LRPAP1: variants seen among roughly 807,000 people sequenced by gnomAD.
LRPAP1 encodes LDL receptor related protein associated protein 1, also known as alpha-2-macroglobulin receptor-associated protein.
A neutral mutation model predicts 39.9 loss-of-function variants in LRPAP1; 41 were observed. The observed-to-expected ratio is 1.03, with a 90% confidence interval of 0.80 to 1.33. LRPAP1 has a LOEUF of 1.33. Among genes scored for constraint, LRPAP1 ranks in the 40% most tolerant of loss-of-function variants. LRPAP1 has a pLI of 0.00. For missense variants in LRPAP1, 565 were observed against 482.3 expected (o/e 1.17, Z -1.61); for synonymous variants, 263 against 212.7 (o/e 1.24, Z -2.06).
At chr4:3,522,557 CAGACGCCACCCCACACTCCCTGCCT>C in intron 2 of LRPAP1, among the ~76,000 whole-genome samples, 1 of 66,420 alleles carries the variant, frequency 1.5e-5, no homozygotes, top group Non-Finnish European at 3.3e-5. Context: ...CCGGGGAGGA[CAGACGCCACCCCACACTCCCTGCCT>C]GGGGAAGTCG....
At position 3,504,903 on chromosome 4, in the gene LRPAP1, C is replaced by T. The variant is rs906324934; in HGVS notation, c.*8071G>A. Among the ~76,000 whole-genome samples the T allele has an allele frequency of 9.9e-5, 15 of 152,056 alleles. No homozygotes were observed. The highest frequency in any genetic ancestry group is 3.1e-4 in the African/African-American group (13 of 41,386). On this transcript the variant is annotated 3_prime_UTR_variant, in exon 8 of 8. Coordinates refer to ENST00000650182, the MANE Select transcript of LRPAP1 (RefSeq NM_002337.4). ...CAGAGGTTGCAGTGAGCCGAGATCGCACCAACGCACTCCAGCCTGGGCGAC... is the reference window on the plus strand; with the variant it reads ...CAGAGGTTGCAGTGAGCCGAGATCGTACCAACGCACTCCAGCCTGGGCGAC...
Position 3,518,875 on chromosome 4 carries a change from G to C in LRPAP1, c.588C>G (p.Thr196=). The change falls in exon 4 of 8, where the codon ACC becomes ACG. Residue 196 remains threonine (T), a synonymous_variant. Transcript: ENST00000650182. ...GGGGGTGGGGGCGGGGGGCACCTTC[G>C]GTCCTGCTCAGGGTCTCCAGCAGGA... The part of the protein sequence containing the change: ...YNVLLETLSR[T]EEIHENVISP... The C allele has an allele frequency of 1.3e-6, 2 of 1,597,198 alleles. No homozygotes were observed. Among genetic ancestry groups the C allele is most frequent in the Non-Finnish European group, 1.7e-6 (2 of 1,172,700 alleles).
rs1320553886 is a variant in LRPAP1, at chr4:3,504,222, C to T, written c.*8752G>A. 6.6e-6 allele frequency: 1 copy of T among 152,286 alleles called. No individual in the cohort carries two copies. Among genetic ancestry groups the T allele is most frequent in the Non-Finnish European group, 1.5e-5 (1 of 68,066 alleles). The allele number at this position is 152,286 out of a possible 1,614,324, so 9.4% of individuals were successfully genotyped here. A position where few individuals can be genotyped will look rare whatever the true frequency, so the allele number is the denominator to read the frequency against. ...ATGACTTGTGTGGGTCAGAAAGCCT[C>T]AGCCCCAAACCCGGTCTCAGAGGCT... On this transcript the variant is annotated 3_prime_UTR_variant, in exon 8 of 8. Coordinates refer to ENST00000650182, the MANE Select transcript of LRPAP1 (RefSeq NM_002337.4).
In LRPAP1 at chr4:3,514,865, T is replaced by C. The variant is rs1197823199; in HGVS notation, c.898A>G (p.Ile300Val). 1 of 1,613,880 alleles carries C rather than the reference T, an allele frequency of 6.2e-7. No individual in the cohort carries two copies. The highest frequency in any genetic ancestry group is 1.7e-5 in the Admixed American group (1 of 60,026). ...KHNHYQKQLE[I>V]AHEKLRHAES... ...GCGTGCCTCAGCTTCTCGTGCGCAA[T>C]CTCCAGCTGCTTCTGGTAGTGGTTG... The change falls in exon 7 of 8, where the codon ATT becomes GTT. Residue 300 changes from isoleucine (I) to valine (V), a missense_variant. By Grantham distance (29) the Ile-to-Val change is conservative. Transcript: ENST00000650182.
rs927136971 is a variant in LRPAP1, at chr4:3,505,683, C to T, written c.*7291G>A. ...TCTATACCAGCTACCCCAAGACCGT[C>T]TATACCAGCTACCCCAAGACCGTCT... On this transcript the variant is annotated 3_prime_UTR_variant, in exon 8 of 8. Coordinates refer to ENST00000650182, the MANE Select transcript of LRPAP1 (RefSeq NM_002337.4). Among the ~76,000 whole-genome samples the T allele has an allele frequency of 6.6e-6, 1 of 152,260 alleles. No homozygotes were observed. Among genetic ancestry groups the T allele is most frequent in the Non-Finnish European group, 1.5e-5 (1 of 68,048 alleles).
At chr4:3,522,529 T>C (rs116022064) in intron 2 of LRPAP1, among the ~76,000 whole-genome samples, 231 of 15,796 alleles carry the variant, frequency 0.015, 8 homozygotes, top group African/African-American at 0.031. Flanking sequence ...AGGACGGACG[T>C]CATCCCACAC....
intron 1 of LRPAP1, among the ~76,000 whole-genome samples, chr4:3,529,421 G>T (rs1444838079): frequency 5.3e-5 from 8 of 152,214 alleles, no homozygotes; most frequent in African/African-American, 1.9e-4. Context: ...AGGTACACGA[G>T]TGTGTCCCTG....
chr4:3,517,504 G>A (rs1423534242), intron 5 of LRPAP1, among the ~76,000 whole-genome samples: 2 of 152,234 alleles, frequency 1.3e-5, no homozygotes, highest in South Asian at 2.1e-4. Context: ...GGTACACCCT[G>A]CACAAGGCTC....
intron 6 of LRPAP1, among the ~76,000 whole-genome samples, chr4:3,515,696 C>T (rs545843635): frequency 6.6e-6 from 1 of 152,316 alleles, no homozygotes; most frequent in East Asian, 1.9e-4. Context: ...GCACTCCACA[C>T]GCCCCAGGAG....
At position 3,518,062 on chromosome 4, in the gene LRPAP1, G is replaced by C; in HGVS notation, c.723C>G (p.Val241=). The C allele has an allele frequency of 6.2e-7, 1 of 1,611,632 alleles. No individual in the cohort carries two copies. The highest frequency in any genetic ancestry group is 8.5e-7 in the Non-Finnish European group (1 of 1,179,642). ...INQGLDRLRR[V]SHQGYSTEAE... The stretch of plus-strand genomic sequence containing the variant: ...CCTCAGTGCTGTAGCCCTGGTGGCT[G>C]ACCCTGCGCAGGCGGTCCAGGCCCT... The change falls in exon 5 of 8, where the codon GTC becomes GTG. Residue 241 remains valine (V), a synonymous_variant. Coordinates refer to ENST00000650182, the MANE Select transcript of LRPAP1 (RefSeq NM_002337.4).
chr4:3,514,756 T>C lies in LRPAP1; in HGVS notation c.1007A>G (p.Tyr336Cys), dbSNP rs1392543804. The change falls in exon 7 of 8, where the codon TAC (tyrosine) becomes TGC (cysteine). Residue 336 changes from tyrosine to cysteine, a missense_variant. Tyr to Cys is a radical substitution (Grantham distance 194). Transcript: ENST00000650182. ...GGTCCTGGAACCCGTGCGCACCGTGTAGCCCAGCTCCTTGGTCCGCCCCTC... is the reference window on the plus strand; with the variant it reads ...GGTCCTGGAACCCGTGCGCACCGTGCAGCCCAGCTCCTTGGTCCGCCCCTC... ...LLEGRTKELG[Y>C]TVKKHLQDLS... 6.2e-7 allele frequency: 1 copy of C among 1,607,324 alleles called. No homozygotes were observed. Among genetic ancestry groups the C allele is most frequent in the Non-Finnish European group, 8.5e-7 (1 of 1,178,388 alleles).
chr4:3,528,940 C>G lies in LRPAP1; in HGVS notation c.204+3269G>C, dbSNP rs76075610. Among the ~76,000 whole-genome samples the G allele has an allele frequency of 8.1e-3, 1,239 of 152,334 alleles. 21 individuals carry two copies. The highest frequency in any genetic ancestry group is 0.028 in the African/African-American group (1,171 of 41,574). On this transcript the variant is annotated intron_variant, in intron 1 of 7. Coordinates refer to ENST00000650182, the MANE Select transcript of LRPAP1 (RefSeq NM_002337.4). ...GGGGTGGGGCTCTGAGGGCTCCTCT[C>G]TGCAGACCTCAGTTTCCACTCGTCA...
chr4:3,523,054 A>C lies in LRPAP1; in HGVS notation c.349+1853T>G, dbSNP rs574338173. ...CTGCTTCTGGGACGCCGGCTCCTAGAGTCCCACTAAGTTTTCTGCCAGGTC... is the reference window on the plus strand; with the variant it reads ...CTGCTTCTGGGACGCCGGCTCCTAGCGTCCCACTAAGTTTTCTGCCAGGTC... On this transcript the variant is annotated intron_variant, in intron 2 of 7. Transcript: ENST00000650182. Among the ~76,000 whole-genome samples the C allele has an allele frequency of 1.7e-3, 257 of 152,270 alleles. 4 individuals are homozygous for C. The highest frequency in any genetic ancestry group is 5.9e-3 in the African/African-American group (245 of 41,544).
At chr4:3,514,294 G>C (rs1269489809) in intron 7 of LRPAP1, among the ~76,000 whole-genome samples, 1 of 152,258 alleles carries the variant, frequency 6.6e-6, no homozygotes, top group Non-Finnish European at 1.5e-5. Flanking sequence ...AAAGAACTTG[G>C]CATGAGCTTC....
Position 3,506,654 on chromosome 4 carries a change from G to A in LRPAP1, c.*6320C>T, listed in dbSNP as rs1390076208. Reference sequence around the variant, plus strand: ...CCCAAAGTGCTGGGATTCCAGGCATGAGCCACCGCACCCGGCCGGCTCGAG... The same window carrying A: ...CCCAAAGTGCTGGGATTCCAGGCATAAGCCACCGCACCCGGCCGGCTCGAG... On this transcript the variant is annotated 3_prime_UTR_variant, in exon 8 of 8. Transcript: ENST00000650182. 3 of 152,210 alleles carry A rather than the reference G, an allele frequency of 2.0e-5. No individual in the cohort carries two copies. The highest frequency in any genetic ancestry group is 7.2e-5 in the African/African-American group (3 of 41,434). 9.4% of individuals were successfully genotyped at this position (152,210 alleles called of 1,614,324 possible).
At chr4:3,529,415 ACACGAGTGTGTCC>A (rs1478283010) in intron 1 of LRPAP1, among the ~76,000 whole-genome samples, 2 of 152,230 alleles carry the variant, frequency 1.3e-5, no homozygotes, top group Non-Finnish European at 2.9e-5. Context: ...GCCAAGAGGT[ACACGAGTGTGTCC>A]CTGAGCGCCG....
At position 3,514,885 on chromosome 4, in the gene LRPAP1, T is replaced by G. The variant is rs746398851; in HGVS notation, c.878A>C (p.His293Pro). ...CGCAATCTCCAGCTGCTTCTGGTAGTGGTTGTGCTTCTCGATTTTGGCTTC... is the reference window on the plus strand; with the variant it reads ...CGCAATCTCCAGCTGCTTCTGGTAGGGGTTGTGCTTCTCGATTTTGGCTTC... ...HFEAKIEKHN[H>P]YQKQLEIAHE... Residue 293 changes from histidine (H) to proline (P), a missense_variant, in exon 7 of 8, where the codon CAC becomes CCC. His to Pro is a moderately conservative substitution (Grantham distance 77). Transcript: ENST00000650182. 2 of 1,613,844 alleles carry G rather than the reference T, an allele frequency of 1.2e-6. No homozygotes were observed. Among genetic ancestry groups the G allele is most frequent in the Non-Finnish European group, 1.7e-6 (2 of 1,179,896 alleles).
At chr4:3,532,060 G>A in intron 1 of LRPAP1, 149 bp downstream of exon 1, 1 of 861,172 alleles carries the variant, frequency 1.2e-6, no homozygotes, top group Non-Finnish European at 1.7e-6. Flanking sequence ...CCTGACACTT[G>A]GGGGAGGCTG....
chr4:3,526,112 C>T lies in LRPAP1; in HGVS notation c.205-1061G>A, dbSNP rs565341550. ...CCCTGGCTAACTGGGGAGGCTGCACCGCATGCCTGTAGTGACGCCAGCGCA... is the reference window on the plus strand; with the variant it reads ...CCCTGGCTAACTGGGGAGGCTGCACTGCATGCCTGTAGTGACGCCAGCGCA... On this transcript the variant is annotated intron_variant, in intron 1 of 7. Coordinates refer to ENST00000650182, the MANE Select transcript of LRPAP1 (RefSeq NM_002337.4). Among the ~76,000 whole-genome samples the T allele has an allele frequency of 3.3e-5, 5 of 152,348 alleles. No homozygotes were observed. In the South Asian group the frequency reaches 6.2e-4, roughly 19 times the overall value.
Sources: gnomAD v4.1 joint callset for allele counts (sites outside exome capture counted in the v4.1 genomes callset) on GRCh38, gnomAD v4.1.1 for gene constraint, MANE v1.5 for transcripts, NCBI Gene and HGNC (gene_info 2026-07-23, HGNC 2026-07-21) for gene names.